PCDHA13: variants seen among roughly 807,000 people sequenced by gnomAD.
PCDHA13 encodes the protein protocadherin alpha 13, also known as protocadherin alpha-13.
Under a neutral mutation model 64.8 loss-of-function variants are expected in PCDHA13, and 54 were observed. That is an observed-to-expected ratio of 0.83 (90% CI 0.67 to 1.04). PCDHA13 has a LOEUF of 1.04. Ranked by LOEUF, PCDHA13 falls within the 50% of genes least tolerant of loss-of-function variation. The probability of loss-of-function intolerance (pLI) is 0.00; values close to 1 mark genes in which losing one functional copy is unlikely to be tolerated. For missense variants in PCDHA13, 1,248 were observed against 1,254.3 expected (o/e 0.99, Z 0.08); for synonymous variants, 587 against 564.4 (o/e 1.04, Z -0.57).
intron 3 of PCDHA13, among the ~76,000 whole-genome samples, chr5:141,005,701 CAAAAAAA>C (rs59860837): frequency 1.3e-4 from 1 of 7,786 alleles, no homozygotes; most frequent in African/African-American, 4.7e-4. Context: ...AACTCCGTCT[CAAAAAAA>C]AAAAAAAAAA....
In PCDHA13 at chr5:140,884,308, G is replaced by C; in HGVS notation, c.2040G>C (p.Ser680=). Residue 680 remains serine, a synonymous_variant, in exon 1 of 4, where the codon TCG becomes TCC. Coordinates refer to ENST00000289272, the MANE Select transcript of PCDHA13 (RefSeq NM_018904.3). The stretch of plus-strand genomic sequence containing the variant: ...GCGGCCAAGCGCCACAGGCTTCGTC[G>C]AGGGCGTCGGCAGGCGCTGTGGGTC... ...VESGQAPQAS[S]RASAGAVGPE... 1 of 1,613,766 alleles carries C rather than the reference G, an allele frequency of 6.2e-7. No homozygotes were observed. The highest frequency in any genetic ancestry group is 8.5e-7 in the Non-Finnish European group (1 of 1,179,840).
chr5:140,941,578 G>A (rs1007298745), intron 1 of PCDHA13, among the ~76,000 whole-genome samples: 3 of 151,774 alleles, frequency 2.0e-5, no homozygotes, highest in Non-Finnish European at 4.4e-5. Context: ...GCCTCCCAAA[G>A]TGCTGGGATT....
At chr5:141,000,011 C>T (rs548995159) in intron 3 of PCDHA13, among the ~76,000 whole-genome samples, 1 of 152,166 alleles carries the variant, frequency 6.6e-6, no homozygotes, top group East Asian at 1.9e-4. Flanking sequence ...TTGGCCTCCC[C>T]ATTGCTAAGC....
At chr5:140,935,374 T>A (rs2090335210) in intron 1 of PCDHA13, among the ~76,000 whole-genome samples, 1 of 152,248 alleles carries the variant, frequency 6.6e-6, no homozygotes. Flanking sequence ...GTCAACAGAA[T>A]TACTCATTTG....
At position 140,939,517 on chromosome 5, in the gene PCDHA13, G is replaced by GACATTGTAGAATTATAGAATTCTACATAA. The variant is rs559604027; in HGVS notation, c.2395-39432_2395-39431insACATTGTAGAATTATAGAATTCTACATAA. 5.4e-3 allele frequency among the ~76,000 whole-genome samples: 825 copies of GACATTGTAGAATTATAGAATTCTACATAA among 152,166 alleles called. 3 individuals carry two copies. Among genetic ancestry groups the GACATTGTAGAATTATAGAATTCTACATAA allele is most frequent in the African/African-American group, 0.019 (794 of 41,518 alleles). On this transcript the variant is annotated intron_variant, in intron 1 of 3. Coordinates refer to ENST00000289272, the MANE Select transcript of PCDHA13 (RefSeq NM_018904.3). Reference sequence around the variant, plus strand: ...AAATTCAATGTCTATAACATTAATAGTTATAGAATTATACAGAGCCTCTAT... The same window carrying GACATTGTAGAATTATAGAATTCTACATAA: ...AAATTCAATGTCTATAACATTAATAGACATTGTAGAATTATAGAATTCTACATAATTATAGAATTATACAGAGCCTCTAT...
chr5:140,969,149 G>C (rs782510891), intron 1 of PCDHA13: 3 of 1,614,120 alleles, frequency 1.9e-6, no homozygotes, highest in South Asian at 1.1e-5. Context: ...CTGCTACAAG[G>C]CCTGTCTGAC....
rs1202323930 is a variant in PCDHA13, at chr5:140,884,511, G to T, written c.2243G>T (p.Trp748Leu). 6 of 1,614,074 alleles carry T rather than the reference G, an allele frequency of 3.7e-6. No individual in the cohort carries two copies. The highest frequency in any genetic ancestry group is 1.3e-5 in the African/African-American group (1 of 74,952). Residue 748 changes from tryptophan to leucine, a missense_variant, in exon 1 of 4, where the codon TGG becomes TTG. Physicochemically the swap from Trp to Leu is moderately conservative, Grantham distance 61 (BLOSUM62 -2). Coordinates refer to ENST00000289272, the MANE Select transcript of PCDHA13 (RefSeq NM_018904.3). ...TLVCSSAAGSWSYSQQRRPRV... is the reference protein window; with the variant it reads ...TLVCSSAAGSLSYSQQRRPRV... ...GTGTGCTCCAGCGCGGCAGGGAGTT[G>T]GTCGTACTCGCAGCAGAGGCGGCCG...
intron 1 of PCDHA13, among the ~76,000 whole-genome samples, chr5:140,962,849 T>G (rs1434907172): frequency 6.6e-6 from 1 of 152,214 alleles, no homozygotes; most frequent in Non-Finnish European, 1.5e-5. Context: ...ATATAACTTG[T>G]GCTCGGTTTG....
At position 140,883,467 on chromosome 5, in the gene PCDHA13, C is replaced by T; in HGVS notation, c.1199C>T (p.Thr400Ile). ...TPHVPFKLVS[T>I]YKNYYSLVLD... is the part of the protein sequence containing the mutation. ...CATGTCCCCTTCAAGCTGGTGTCCA[C>T]CTACAAGAACTACTACTCATTAGTG... The change falls in exon 1 of 4, where the codon ACC becomes ATC. Residue 400 changes from threonine to isoleucine, a missense_variant. Coordinates refer to ENST00000289272, the MANE Select transcript of PCDHA13 (RefSeq NM_018904.3). 6.2e-7 allele frequency: 1 copy of T among 1,614,170 alleles called. No individual in the cohort carries two copies. Among genetic ancestry groups the T allele is most frequent in the Non-Finnish European group, 8.5e-7 (1 of 1,180,038 alleles).
At chr5:140,979,169 A>T (rs2096837685) in intron 2 of PCDHA13, 162 bp downstream of exon 2, 1 of 966,312 alleles carries the variant, frequency 1.0e-6, no homozygotes, top group Admixed American at 6.2e-5. Context: ...TCCTTGAAAG[A>T]TCGCAAATGG....
intron 1 of PCDHA13, chr5:140,927,458 AAG>A: frequency 6.2e-7 from 1 of 1,614,124 alleles, no homozygotes; most frequent in Non-Finnish European, 8.5e-7. Context: ...GTGTTGGAGA[AAG>A]CACTGGATCG....
chr5:140,893,519 C>T (rs1199543838), intron 1 of PCDHA13, among the ~76,000 whole-genome samples: 1 of 152,084 alleles, frequency 6.6e-6, no homozygotes, highest in African/African-American at 2.4e-5. Flanking sequence ...AGTTGTAGAA[C>T]TCCTTTAAGT....
intron 1 of PCDHA13, chr5:140,968,382 A>G: frequency 6.2e-7 from 1 of 1,614,050 alleles, no homozygotes; most frequent in Non-Finnish European, 8.5e-7. Flanking sequence ...TCCTTTGACT[A>G]TGAGAAGTTT....
intron 1 of PCDHA13, chr5:140,926,324 G>A (rs574950381): frequency 6.6e-6 from 1 of 152,268 alleles, no homozygotes; most frequent in Non-Finnish European, 1.5e-5. Flanking sequence ...GTGCGCCGGG[G>A]TCAGAGCGCC....
Position 140,927,758 on chromosome 5 carries a change from A to C in PCDHA13, c.2394+43096A>C, listed in dbSNP as rs781942462. 3 of 1,614,170 alleles carry C rather than the reference A, an allele frequency of 1.9e-6. No individual in the cohort carries two copies. In the South Asian group the frequency reaches 3.3e-5, roughly 18 times the overall value. Reference sequence around the variant, plus strand: ...CGACACCGCTTTCACGTGCACCCTAAAAGTGGGGAGGTGCAAGTAGCTGCT... The same window carrying C: ...CGACACCGCTTTCACGTGCACCCTACAAGTGGGGAGGTGCAAGTAGCTGCT... On this transcript the variant is annotated intron_variant, in intron 1 of 3. Transcript: ENST00000289272.
chr5:140,991,413 A>G (rs2097451025), intron 3 of PCDHA13, among the ~76,000 whole-genome samples: 1 of 152,228 alleles, frequency 6.6e-6, no homozygotes, highest in South Asian at 2.1e-4. Context: ...CCATTATGCT[A>G]TAACAAATTA....
At chr5:140,931,008 A>G (rs1554208204) in intron 1 of PCDHA13, among the ~76,000 whole-genome samples, 2 of 152,224 alleles carry the variant, frequency 1.3e-5, no homozygotes, top group African/African-American at 2.4e-5. Flanking sequence ...ATAACATAAC[A>G]GAGGAATTTT....
Position 140,889,022 on chromosome 5 carries a change from G to A in PCDHA13, c.2394+4360G>A, listed in dbSNP as rs183317307. Among the ~76,000 whole-genome samples the A allele has an allele frequency of 5.5e-3, 837 of 151,922 alleles. 11 individuals are homozygous for A. The highest frequency in any genetic ancestry group is 0.019 in the African/African-American group (781 of 41,426). ...TGGCAAACCAACCTCTACTTCCTTG[G>A]ATAACCGTAATTTGATTATAATTTA... On this transcript the variant is annotated intron_variant, in intron 1 of 3. Coordinates refer to ENST00000289272, the MANE Select transcript of PCDHA13 (RefSeq NM_018904.3).
intron 3 of PCDHA13, among the ~76,000 whole-genome samples, chr5:140,984,059 C>G (rs1269975627): frequency 6.6e-6 from 1 of 152,108 alleles, no homozygotes; most frequent in East Asian, 1.9e-4. Context: ...CAAATCTGTA[C>G]CCTCAGTGCC....
Sources: allele counts gnomAD v4.1 joint callset (sites outside exome capture counted in the v4.1 genomes callset), GRCh38; gene constraint gnomAD v4.1.1; transcripts MANE v1.5; gene names NCBI Gene and HGNC (gene_info 2026-07-23, HGNC 2026-07-21).